Variants in AP1AR observed in about 807,000 individuals in gnomAD.
AP1AR encodes AP-1 complex-associated regulatory protein.
A neutral mutation model predicts 46.3 loss-of-function variants in AP1AR; 29 were observed. The observed-to-expected ratio is 0.63, with a 90% CI of 0.47 to 0.85. The LOEUF is 0.85. AP1AR is among the 40% of genes least tolerant of loss of function. The pLI, the probability that AP1AR is intolerant of heterozygous loss-of-function variation, is 0.00. For missense variants in AP1AR, 357 were observed against 356.3 expected, an observed-to-expected ratio of 1.00 and a Z score of -0.02; for synonymous variants, 122 against 122.9, an observed-to-expected ratio of 0.99 and a Z score of 0.05.
At chr4:112,232,199 G>GGGGGGA in intron 1 of AP1AR, 25 bp downstream of exon 1, 1 of 1,263,730 alleles carries the variant, frequency 7.9e-7, no homozygotes, top group Non-Finnish European at 1.0e-6. Flanking sequence ...GGAGGGGCCC[G>GGGGGGA]GCCCCCGTGG....
At chr4:112,254,028 T>A (rs1336526235) in intron 2 of AP1AR, among the ~76,000 whole-genome samples, 1 of 152,248 alleles carries the variant, frequency 6.6e-6, no homozygotes, top group Admixed American at 6.5e-5. Context: ...CTTAATTTTC[T>A]AAACCTTTTG....
chr4:112,256,261 T>C (rs946989274), intron 3 of AP1AR, among the ~76,000 whole-genome samples: 3 of 152,246 alleles, frequency 2.0e-5, no homozygotes, highest in Non-Finnish European at 4.4e-5. Flanking sequence ...TTTAGCCGTT[T>C]GTTCTCCCAG....
Position 112,266,713 on chromosome 4 carries a change from G to A in AP1AR, c.640G>A (p.Glu214Lys). The A allele has an allele frequency of 1.2e-6, 2 of 1,601,262 alleles. No individual in the cohort carries two copies. Among genetic ancestry groups the A allele is most frequent in the Non-Finnish European group, 1.7e-6 (2 of 1,174,238 alleles). The change falls in exon 9 of 10, where the codon GAA (glutamate) becomes AAA (lysine). Residue 214 changes from glutamate (E) to lysine (K), a missense_variant. Physicochemically the swap from Glu to Lys is moderately conservative, Grantham distance 56 (BLOSUM62 1). Around this residue, in one of 2 missense-constraint regions of AP1AR, gnomAD observed 88 missense variants for 132.7 expected, o/e 0.66. Coordinates refer to ENST00000274000, the MANE Select transcript of AP1AR (RefSeq NM_018569.6). ...CTTAGATCTAGAGTGGGAAGATGAA[G>A]AAGGTATTTTATAATTCACAATTTT... is the stretch of plus-strand genomic sequence containing the variant. ...TSLDLEWEDE[E>K]GMNRMLPMRE...
intron 3 of AP1AR, among the ~76,000 whole-genome samples, chr4:112,256,719 G>C (rs1051293289): frequency 6.6e-6 from 1 of 152,156 alleles, no homozygotes; most frequent in Admixed American, 6.5e-5. Context: ...GCATAAACCT[G>C]AATAAATCCT....
intron 7 of AP1AR, 100 bp downstream of exon 7, chr4:112,265,167 T>TG: frequency 1.2e-6 from 1 of 830,750 alleles, no homozygotes. Flanking sequence ...GCATTCATGT[T>TG]TATGTGTTCC....
chr4:112,234,925 T>C (rs1725177500), intron 1 of AP1AR, among the ~76,000 whole-genome samples: 1 of 152,210 alleles, frequency 6.6e-6, no homozygotes, highest in Non-Finnish European at 1.5e-5. Context: ...GAAAATCAGA[T>C]CACTCGTTTT....
chr4:112,265,635 G>T, intron 7 of AP1AR, 99 bp from the exon 8 acceptor site: 1 of 780,840 alleles, frequency 1.3e-6, no homozygotes, highest in South Asian at 1.7e-5. Context: ...GAATTTGTAT[G>T]ACATAGGTCT....
Position 112,256,570 on chromosome 4 carries a change from A to G in AP1AR, c.160-1202A>G, listed in dbSNP as rs181873990. 2.7e-3 allele frequency among the ~76,000 whole-genome samples: 409 copies of G among 152,156 alleles called. 3 individuals carry two copies. The highest frequency in any genetic ancestry group is 4.9e-3 in the Non-Finnish European group (330 of 67,990). On this transcript the variant is annotated intron_variant, in intron 3 of 9. Coordinates refer to ENST00000274000, the MANE Select transcript of AP1AR (RefSeq NM_018569.6). Reference sequence around the variant, plus strand: ...CCTCTTCTCCTCTCTAATTTACTTCATATTTTGTGTTTGGTTTAGTTGAAT... The same window carrying G: ...CCTCTTCTCCTCTCTAATTTACTTCGTATTTTGTGTTTGGTTTAGTTGAAT...
In AP1AR at chr4:112,270,836, T is replaced by C. The variant is rs1176779165; in HGVS notation, c.*2427T>C. ...TATTTGATGTGTAATAGAAAGCCAC[T>C]GAAATTTTTTGTAAGCAAGGATGTA... On this transcript the variant is annotated 3_prime_UTR_variant, in exon 10 of 10. Transcript: ENST00000274000. 6.6e-6 allele frequency among the ~76,000 whole-genome samples: 1 copy of C among 152,214 alleles called. No individual in the cohort carries two copies. Among genetic ancestry groups the C allele is most frequent in the Non-Finnish European group, 1.5e-5 (1 of 68,040 alleles).
At chr4:112,262,946 G>A in intron 5 of AP1AR, 42 bp from the exon 6 acceptor site, 9 of 1,383,868 alleles carry the variant, frequency 6.5e-6, no homozygotes, top group African/African-American at 1.4e-5. Flanking sequence ...AGTTAGACAG[G>A]TTCTGATTTT....
Position 112,265,723 on chromosome 4 carries a change from T to G in AP1AR, c.441-11T>G. 2 of 1,597,550 alleles carry G rather than the reference T, an allele frequency of 1.3e-6. No homozygotes were observed. Among genetic ancestry groups the G allele is most frequent in the Non-Finnish European group, 1.7e-6 (2 of 1,170,060 alleles). The stretch of plus-strand genomic sequence containing the variant: ...TGAATATATTAAAAAATTATTTCAC[T>G]TTTATTACAGTTCAGGACCAGAAGA... On this transcript the variant is annotated splice_polypyrimidine_tract_variant and intron_variant, in intron 7 of 9. Coordinates refer to ENST00000274000, the MANE Select transcript of AP1AR (RefSeq NM_018569.6).
Position 112,268,174 on chromosome 4 carries a change from G to T in AP1AR, c.674G>T (p.Arg225Leu), listed in dbSNP as rs761655982. The T allele has an allele frequency of 1.3e-6, 2 of 1,590,414 alleles. No individual in the cohort carries two copies. The highest frequency in any genetic ancestry group is 3.6e-5 in the Admixed American group (2 of 56,122). ...AATAGAATGCTTCCAATGAGAGAAC[G>T]TTCCAAAACAGAGGAAGACATTCTA... ...GMNRMLPMRERSKTEEDILRA... is the reference protein window; with the variant it reads ...GMNRMLPMRELSKTEEDILRA... The change falls in exon 10 of 10, where the codon CGT (arginine) becomes CTT (leucine). Residue 225 changes from arginine (R) to leucine (L), a missense_variant. This residue lies in a region of AP1AR where 88 missense variants were observed against 132.7 expected (regional missense o/e 0.66). Coordinates refer to ENST00000274000, the MANE Select transcript of AP1AR (RefSeq NM_018569.6).
At chr4:112,233,950 C>T (rs530674486) in intron 1 of AP1AR, among the ~76,000 whole-genome samples, 2 of 152,332 alleles carry the variant, frequency 1.3e-5, no homozygotes, top group African/African-American at 4.8e-5. Flanking sequence ...CCTTCGCCTC[C>T]CGGGTTCACG....
chr4:112,257,850 A>T lies in AP1AR; in HGVS notation c.185+53A>T. 2.7e-6 allele frequency: 4 copies of T among 1,454,854 alleles called. No individual in the cohort carries two copies. The Admixed American group carries it at 7.1e-5, about 26-fold the overall frequency. The allele number at this position is 1,454,854 out of a possible 1,614,324, so 90.1% of individuals were successfully genotyped here. On this transcript the variant is annotated intron_variant, in intron 4 of 9. Transcript: ENST00000274000. Reference sequence around the variant, plus strand: ...AAACTTCTATGCAAACTGTAAGAAAACTCTCTTAAGAAGTCAGGCTTTATC... The same window carrying T: ...AAACTTCTATGCAAACTGTAAGAAATCTCTCTTAAGAAGTCAGGCTTTATC...
intron 3 of AP1AR, among the ~76,000 whole-genome samples, chr4:112,256,528 T>G (rs1726207495): frequency 6.6e-6 from 1 of 152,214 alleles, no homozygotes; most frequent in South Asian, 2.1e-4. Flanking sequence ...ATTTTTTAAT[T>G]TTTGTTTTTG....
chr4:112,261,277 A>C (rs1366737086), intron 5 of AP1AR, among the ~76,000 whole-genome samples: 1 of 152,096 alleles, frequency 6.6e-6, no homozygotes, highest in Non-Finnish European at 1.5e-5. Context: ...TACAAAAAAT[A>C]CAAAATTAGC....
chr4:112,246,658 T>C (rs905650434), intron 1 of AP1AR, among the ~76,000 whole-genome samples: 9 of 152,256 alleles, frequency 5.9e-5, no homozygotes, highest in Non-Finnish European at 1.2e-4. Context: ...CAAGGAACTA[T>C]ATAGTACTTG....
intron 4 of AP1AR, among the ~76,000 whole-genome samples, chr4:112,259,124 G>A (rs544484493): frequency 1.3e-5 from 2 of 152,290 alleles, no homozygotes; most frequent in Admixed American, 6.5e-5. Flanking sequence ...AGACAGATGG[G>A]AATGGTTAAC....
intron 1 of AP1AR, among the ~76,000 whole-genome samples, chr4:112,236,993 T>C (rs1460506826): frequency 6.6e-6 from 1 of 152,240 alleles, no homozygotes; most frequent in Non-Finnish European, 1.5e-5. Context: ...GACAAAGCAA[T>C]GTAACCTTAA....
Sources: gnomAD v4.1 joint callset for allele counts (sites outside exome capture counted in the v4.1 genomes callset) on GRCh38, gnomAD v4.1.1 for gene constraint, gnomAD v4.1.1 regional missense constraint, MANE v1.5 for transcripts, NCBI Gene and HGNC (gene_info 2026-07-23, HGNC 2026-07-21) for gene names.